Variants in PJA2 observed in about 807,000 individuals in gnomAD.
The protein encoded by PJA2 is praja ring finger ubiquitin ligase 2.
Under a neutral mutation model 69.3 loss-of-function variants are expected in PJA2, and 25 were observed. The observed-to-expected ratio is 0.36, with a 90% CI of 0.26 to 0.50. The LOEUF is 0.50. PJA2 is among the 20% of genes least tolerant of loss of function. The probability of loss-of-function intolerance (pLI) is 0.96; values close to 1 mark genes in which losing one functional copy is unlikely to be tolerated. For missense variants in PJA2, 809 were observed against 830.2 expected (o/e 0.97, Z 0.31); for synonymous variants, 308 against 277.8 (o/e 1.11, Z -1.08).
chr5:109,396,780 A>AGGGGTG (rs1177379599), intron 1 of PJA2, among the ~76,000 whole-genome samples: 3 of 9,458 alleles, frequency 3.2e-4, no homozygotes, highest in South Asian at 2.1e-3. Context: ...AAAAAAAGGC[A>AGGGGTG]GGGGTGGGGG....
chr5:109,359,108 C>T (rs1281029431), intron 6 of PJA2, among the ~76,000 whole-genome samples: 2 of 152,112 alleles, frequency 1.3e-5, no homozygotes, highest in Non-Finnish European at 2.9e-5. Flanking sequence ...ATGAAGACAG[C>T]AAGGATGAAG....
At chr5:109,338,636 C>CAAAAA (rs11336749) in intron 9 of PJA2, among the ~76,000 whole-genome samples, 2 of 62,428 alleles carry the variant, frequency 3.2e-5, no homozygotes, top group African/African-American at 5.7e-5. Flanking sequence ...AACTCCGTCT[C>CAAAAA]AAAAAAAAAA....
At chr5:109,366,612 T>TGG (rs2127000606) in intron 5 of PJA2, among the ~76,000 whole-genome samples, 1 of 152,312 alleles carries the variant, frequency 6.6e-6, no homozygotes, top group East Asian at 1.9e-4. Context: ...TGTAATGTAC[T>TGG]GGGTTTGTAT....
intron 7 of PJA2, among the ~76,000 whole-genome samples, chr5:109,354,511 TATC>T (rs1762371589): frequency 5.1e-5 from 2 of 39,302 alleles, no homozygotes; most frequent in Non-Finnish European, 1.1e-4. Context: ...TAGATATCTA[TATC>T]GATATTAGAT....
chr5:109,409,015 T>TA (rs1202136301), intron 1 of PJA2: 3 of 152,136 alleles, frequency 2.0e-5, no homozygotes, highest in Admixed American at 2.0e-4. Context: ...TTTTTTTTTT[T>TA]AATGTCCGGA....
chr5:109,340,336 GA>G (rs1762019641), intron 9 of PJA2, among the ~76,000 whole-genome samples: 2 of 151,630 alleles, frequency 1.3e-5, no homozygotes, highest in Non-Finnish European at 2.9e-5. Flanking sequence ...GGAATTTTGA[GA>G]AGAACAAAGT....
intron 1 of PJA2, among the ~76,000 whole-genome samples, chr5:109,389,904 AT>A (rs56405345): frequency 0.051 from 7,312 of 143,264 alleles, 168 homozygotes; most frequent in African/African-American, 0.064. Flanking sequence ...TTTGCAGTCT[AT>A]TTTTTTTTTT....
At chr5:109,376,198 A>G (rs1382446977) in intron 4 of PJA2, among the ~76,000 whole-genome samples, 1 of 151,904 alleles carries the variant, frequency 6.6e-6, no homozygotes, top group Non-Finnish European at 1.5e-5. Context: ...ATTACTAGCA[A>G]TTTAAAAGGA....
At chr5:109,346,161 T>TA (rs1342173741) in intron 7 of PJA2, among the ~76,000 whole-genome samples, 5 of 152,204 alleles carry the variant, frequency 3.3e-5, no homozygotes, top group Non-Finnish European at 5.9e-5. Context: ...GAATTGGTAT[T>TA]ACACCGTTTA....
intron 2 of PJA2, 140 bp from the exon 3 acceptor site, chr5:109,381,843 C>G: frequency 1.5e-6 from 1 of 664,608 alleles, no homozygotes; most frequent in Non-Finnish European, 2.5e-6. Flanking sequence ...CTTACTAGTA[C>G]TATAAAACAT....
chr5:109,357,753 T>C (rs546857129), intron 6 of PJA2, among the ~76,000 whole-genome samples: 46 of 152,334 alleles, frequency 3.0e-4, no homozygotes, highest in African/African-American at 9.9e-4. Context: ...GTTTAAAACA[T>C]ATGAAGTATT....
In PJA2 at chr5:109,378,457, G is replaced by T; in HGVS notation, c.1030C>A (p.Gln344Lys). The T allele has an allele frequency of 6.2e-7, 1 of 1,614,084 alleles. No homozygotes were observed. The change falls in exon 4 of 10, where the codon CAA becomes AAA. Residue 344 changes from glutamine to lysine, a missense_variant. Around this residue, in one of 4 missense-constraint regions of PJA2, gnomAD observed 700 missense variants for 639.5 expected, o/e 1.09. Coordinates refer to ENST00000361189, the MANE Select transcript of PJA2 (RefSeq NM_014819.5). Reference protein sequence around the residue: ...NRHEAKQRSVQRWREALEVEE... With the variant: ...NRHEAKQRSVKRWREALEVEE... ...ACTTCCAAAGCCTCTCTCCATCTTT[G>T]AACACTTCTTTGTTTCGCCTCATGC... is the stretch of plus-strand genomic sequence containing the variant.
chr5:109,351,015 A>G (rs1156499463), intron 7 of PJA2, among the ~76,000 whole-genome samples: 1 of 152,020 alleles, frequency 6.6e-6, no homozygotes, highest in African/African-American at 2.4e-5. Context: ...AAATAAAAGC[A>G]TACTTCTTAC....
chr5:109,405,048 A>G (rs140177330), intron 1 of PJA2, among the ~76,000 whole-genome samples: 40 of 152,360 alleles, frequency 2.6e-4, no homozygotes, highest in African/African-American at 8.2e-4. Flanking sequence ...GGACAATTCC[A>G]GAGAATCTAC....
intron 1 of PJA2, among the ~76,000 whole-genome samples, chr5:109,393,624 A>AC (rs1188952609): frequency 6.6e-6 from 1 of 152,158 alleles, no homozygotes; most frequent in Non-Finnish European, 1.5e-5. Context: ...ACAAAGCCAG[A>AC]CCCCATCTCT....
At chr5:109,375,808 T>G (rs370913555) in intron 4 of PJA2, among the ~76,000 whole-genome samples, 1 of 152,026 alleles carries the variant, frequency 6.6e-6, no homozygotes. Context: ...TGAAACTAAA[T>G]AGGAGTGTAC....
Position 109,354,386 on chromosome 5 carries a change from A to G in PJA2, c.1764+1529T>C, listed in dbSNP as rs1215003292. On this transcript the variant is annotated intron_variant, in intron 7 of 9. Transcript: ENST00000361189. ...ATCTAGAGATATCTATAGATTAGATATCTCTGATATCTAGAGATATCTATA... is the reference window on the plus strand; with the variant it reads ...ATCTAGAGATATCTATAGATTAGATGTCTCTGATATCTAGAGATATCTATA... Among the ~76,000 whole-genome samples, 5 of 140,066 alleles carry G rather than the reference A, an allele frequency of 3.6e-5. 1 individual carries two copies. The highest frequency in any genetic ancestry group is 2.8e-4 in the Admixed American group (4 of 14,284). 91.9% of individuals were successfully genotyped at this position (140,066 alleles called of 152,430 possible). A position where few individuals can be genotyped will look rare whatever the true frequency, so the allele number is the denominator to read the frequency against.
intron 1 of PJA2, among the ~76,000 whole-genome samples, chr5:109,398,304 C>A (rs1582629737): frequency 6.6e-6 from 1 of 152,206 alleles, no homozygotes; most frequent in Non-Finnish European, 1.5e-5. Context: ...ATAAATCATG[C>A]TGCTATAAAG....
intron 1 of PJA2, among the ~76,000 whole-genome samples, 180 bp downstream of exon 1, chr5:109,409,662 T>G (rs1747783910): frequency 6.6e-6 from 1 of 150,992 alleles, no homozygotes; most frequent in Admixed American, 6.6e-5. Context: ...GAAGAAGGCC[T>G]CCCACAGCCA....
Sources: gnomAD v4.1 joint callset for allele counts (sites outside exome capture counted in the v4.1 genomes callset) on GRCh38, gnomAD v4.1.1 for gene constraint, gnomAD v4.1.1 regional missense constraint, MANE v1.5 for transcripts, NCBI Gene and HGNC (gene_info 2026-07-23, HGNC 2026-07-21) for gene names.